The following GAS2 variants were observed in gnomAD, a reference collection of about 807,000 sequenced individuals.
GAS2 encodes growth arrest specific 2.
In GAS2, 20 loss-of-function variants were observed where a neutral mutation model predicts 37.5. The ratio of observed to expected loss-of-function variants is 0.53; its 90% CI spans 0.37 to 0.77. The LOEUF (loss-of-function observed/expected upper bound fraction) is 0.77. GAS2 is among the 30% of genes least tolerant of loss of function. The probability of loss-of-function intolerance (pLI) is 0.00; values close to 1 mark genes in which losing one functional copy is unlikely to be tolerated. For missense variants in GAS2, 336 were observed against 373.4 expected, an observed-to-expected ratio of 0.90 and a Z score of 0.82; for synonymous variants, 144 against 132.2, an observed-to-expected ratio of 1.09 and a Z score of -0.61.
intron 7 of GAS2, among the ~76,000 whole-genome samples, chr11:22,808,937 T>G (rs2134690294): frequency 6.6e-6 from 1 of 152,318 alleles, no homozygotes; most frequent in Non-Finnish European, 1.5e-5. Flanking sequence ...TTTTATTTCT[T>G]TAGTGAAAGC....
chr11:22,730,938 T>C (rs1852441602), intron 4 of GAS2, among the ~76,000 whole-genome samples: 1 of 151,774 alleles, frequency 6.6e-6, no homozygotes, highest in Non-Finnish European at 1.5e-5. Flanking sequence ...TAAAATGATG[T>C]TGAGTGTTTT....
At chr11:22,704,608 T>TA (rs1241195856) in intron 3 of GAS2, among the ~76,000 whole-genome samples, 2 of 142,678 alleles carry the variant, frequency 1.4e-5, no homozygotes, top group African/African-American at 5.1e-5. Flanking sequence ...TATATATATA[T>TA]ATATATATAT....
intron 3 of GAS2, among the ~76,000 whole-genome samples, chr11:22,700,547 G>A (rs1850784115): frequency 6.6e-6 from 1 of 152,102 alleles, no homozygotes; most frequent in East Asian, 1.9e-4. Context: ...ACAGACCATG[G>A]GGATTTAAAC....
intron 7 of GAS2, among the ~76,000 whole-genome samples, chr11:22,803,508 G>T (rs1856754027): frequency 6.6e-6 from 1 of 152,064 alleles, no homozygotes; most frequent in Non-Finnish European, 1.5e-5. Context: ...CTAGCACTTT[G>T]CAGAATATGT....
intron 4 of GAS2, among the ~76,000 whole-genome samples, chr11:22,727,872 G>T (rs1352078595): frequency 6.6e-6 from 1 of 152,056 alleles, no homozygotes; most frequent in African/African-American, 2.4e-5. Flanking sequence ...GGAAGGGGGT[G>T]TAAAAGAATT....
intron 3 of GAS2, among the ~76,000 whole-genome samples, chr11:22,693,562 G>T (rs1037732143): frequency 1.3e-5 from 2 of 152,114 alleles, no homozygotes; most frequent in Non-Finnish European, 2.9e-5. Flanking sequence ...TACCACAAAA[G>T]AACTTATTCC....
chr11:22,775,349 G>T (rs888788657), intron 7 of GAS2, among the ~76,000 whole-genome samples: 1 of 152,068 alleles, frequency 6.6e-6, no homozygotes, highest in Admixed American at 6.6e-5. Context: ...GAAATTCCAG[G>T]TATATATATT....
intron 1 of GAS2, among the ~76,000 whole-genome samples, chr11:22,640,546 C>A (rs575000289): frequency 5.4e-4 from 82 of 152,188 alleles, no homozygotes; most frequent in African/African-American, 1.8e-3. Context: ...GATTCTCAAG[C>A]ATATAAAGAG....
At position 22,761,035 on chromosome 11, in the gene GAS2, T is replaced by A. The variant is rs1854367553; in HGVS notation, c.723+5082T>A. ...ATATTGTTGTGAACTTATAGCATATTTTTCGTTAGATGAAGCTGTCTTCCT... is the reference window on the plus strand; with the variant it reads ...ATATTGTTGTGAACTTATAGCATATATTTCGTTAGATGAAGCTGTCTTCCT... On this transcript the variant is annotated intron_variant, in intron 7 of 7. Transcript: ENST00000454584. 2.0e-5 allele frequency among the ~76,000 whole-genome samples: 3 copies of A among 152,168 alleles called. No individual in the cohort carries two copies. In the South Asian group the frequency reaches 6.2e-4, roughly 31 times the overall value.
chr11:22,647,014 T>C (rs2133825070), intron 1 of GAS2, among the ~76,000 whole-genome samples: 1 of 151,874 alleles, frequency 6.6e-6, no homozygotes, highest in East Asian at 1.9e-4. Context: ...GCTGGTGCAC[T>C]GCACCCACTA....
chr11:22,789,281 C>CATATATATATAT (rs1210684540), intron 7 of GAS2, among the ~76,000 whole-genome samples: 9 of 109,866 alleles, frequency 8.2e-5, no homozygotes, highest in African/African-American at 3.4e-4. Flanking sequence ...GCCTAGATTT[C>CATATATATATAT]ATATATATAT....
intron 7 of GAS2, among the ~76,000 whole-genome samples, chr11:22,798,166 G>C (rs1856514750): frequency 6.6e-6 from 1 of 152,040 alleles, no homozygotes; most frequent in Non-Finnish European, 1.5e-5. Context: ...AAACCACTTA[G>C]AGTTGCTCCA....
chr11:22,705,294 A>G (rs753957998), intron 3 of GAS2, among the ~76,000 whole-genome samples: 9 of 152,094 alleles, frequency 5.9e-5, no homozygotes, highest in Non-Finnish European at 1.3e-4. Context: ...TTGTTCTTCT[A>G]GCTTCTTAGA....
rs140060832 is a variant in GAS2, at chr11:22,793,055, C to T, written c.724-18743C>T. On this transcript the variant is annotated intron_variant, in intron 7 of 7. Coordinates refer to ENST00000454584, the MANE Select transcript of GAS2 (RefSeq NM_001143830.3). ...TTGAGAGGCCAAGGTGGGTGGATCACCTGAGGTCAGGAGTTCAACACCAGC... is the reference window on the plus strand; with the variant it reads ...TTGAGAGGCCAAGGTGGGTGGATCATCTGAGGTCAGGAGTTCAACACCAGC... Among the ~76,000 whole-genome samples the T allele has an allele frequency of 2.9e-3, 442 of 152,236 alleles. 1 individual carries two copies. Among genetic ancestry groups the T allele is most frequent in the Non-Finnish European group, 5.0e-3 (343 of 68,010 alleles).
chr11:22,715,123 T>G lies in GAS2; in HGVS notation c.268-11169T>G, dbSNP rs114049371. Among the ~76,000 whole-genome samples the G allele has an allele frequency of 7.5e-3, 1,141 of 152,114 alleles. 19 individuals carry two copies. The highest frequency in any genetic ancestry group is 0.026 in the African/African-American group (1,095 of 41,524). The stretch of plus-strand genomic sequence containing the variant: ...CAAAATTGATAGACTGTTAATGAGA[T>G]TAACCAAGAAAAGAAGAGATACGTT... On this transcript the variant is annotated intron_variant, in intron 3 of 7. Transcript: ENST00000454584.
At chr11:22,685,062 G>A (rs1003249881) in intron 2 of GAS2, among the ~76,000 whole-genome samples, 11 of 152,042 alleles carry the variant, frequency 7.2e-5, no homozygotes, top group African/African-American at 2.7e-4. Flanking sequence ...TACTTTTGGA[G>A]GCCGAGGCTG....
chr11:22,682,685 C>A (rs950225794), intron 2 of GAS2, among the ~76,000 whole-genome samples: 10 of 151,656 alleles, frequency 6.6e-5, no homozygotes, highest in Non-Finnish European at 1.3e-4. Context: ...CGAGACCATC[C>A]AGGCCAACAT....
At chr11:22,632,817 A>G (rs1858762254) in intron 1 of GAS2, among the ~76,000 whole-genome samples, 1 of 151,116 alleles carries the variant, frequency 6.6e-6, no homozygotes, top group African/African-American at 2.4e-5. Flanking sequence ...AAGTTCTGGA[A>G]TTCTTTATTC....
chr11:22,781,851 A>G (rs988324604), intron 7 of GAS2, among the ~76,000 whole-genome samples: 5 of 152,176 alleles, frequency 3.3e-5, no homozygotes, highest in African/African-American at 1.2e-4. Flanking sequence ...ATTGGGATTC[A>G]TAGGCTAATT....
Sources: gnomAD v4.1 joint callset for allele counts (sites outside exome capture counted in the v4.1 genomes callset) on GRCh38, gnomAD v4.1.1 for gene constraint, MANE v1.5 for transcripts, NCBI Gene and HGNC (gene_info 2026-07-23, HGNC 2026-07-21) for gene names.